Variants in KAZN observed in about 807,000 individuals in gnomAD.
The protein encoded by KAZN is kazrin.
Under a neutral mutation model 87.4 loss-of-function variants are expected in KAZN, and 40 were observed. The observed-to-expected ratio is 0.46, with a 90% CI of 0.36 to 0.60. KAZN has a LOEUF of 0.60. Ranked by LOEUF, KAZN falls within the 20% of genes least tolerant of loss-of-function variation. KAZN has a pLI of 0.00. For synonymous variants in KAZN, 466 were observed against 458.3 expected (o/e 1.02, Z -0.22); for missense variants, 898 against 1,073.9 (o/e 0.84, Z 2.29).
chr1:14,683,365 T>G (rs1640781661), intron 1 of KAZN, among the ~76,000 whole-genome samples: 1 of 152,210 alleles, frequency 6.6e-6, no homozygotes, highest in Non-Finnish European at 1.5e-5. Context: ...GGGACGTGAC[T>G]GCAGAGATGA....
chr1:14,544,354 T>C (rs973461819), intron 2 of KAZN, among the ~76,000 whole-genome samples: 41 of 133,300 alleles, frequency 3.1e-4, no homozygotes, highest in East Asian at 1.4e-3. Context: ...TTCTTTCTTT[T>C]TTTTTTTTTT....
At chr1:14,450,897 G>T (rs78400188) in intron 2 of KAZN, among the ~76,000 whole-genome samples, 8,417 of 151,956 alleles carry the variant, frequency 0.055, 460 homozygotes, top group East Asian at 0.17. Flanking sequence ...GGTCGTCCTA[G>T]GTTTCTGATG....
intron 2 of KAZN, among the ~76,000 whole-genome samples, chr1:14,592,192 T>C (rs1313823125): frequency 2.6e-5 from 4 of 151,958 alleles, no homozygotes; most frequent in Non-Finnish European, 5.9e-5. Context: ...GATTCACATG[T>C]GACAATTTGA....
chr1:14,784,715 T>C (rs1422057026), intron 1 of KAZN, among the ~76,000 whole-genome samples: 1 of 152,190 alleles, frequency 6.6e-6, no homozygotes, highest in Non-Finnish European at 1.5e-5. Flanking sequence ...GCCAACACCA[T>C]GCCACTGCAC....
chr1:15,018,297 A>G (rs1670326812), intron 2 of KAZN, among the ~76,000 whole-genome samples: 1 of 152,152 alleles, frequency 6.6e-6, no homozygotes, highest in Admixed American at 6.5e-5. Flanking sequence ...GGCGGTCTAA[A>G]TATTTTATAG....
intron 1 of KAZN, among the ~76,000 whole-genome samples, chr1:13,940,119 C>G (rs1332996875): frequency 6.6e-6 from 1 of 152,106 alleles, no homozygotes; most frequent in Non-Finnish European, 1.5e-5. Context: ...CCTTACATGG[C>G]TTTGGTATTA....
chr1:14,347,630 T>C (rs1458728032), intron 2 of KAZN, among the ~76,000 whole-genome samples: 2 of 152,214 alleles, frequency 1.3e-5, no homozygotes, highest in Admixed American at 1.3e-4. Flanking sequence ...CAAAAGAGTG[T>C]GTATACAATG....
At chr1:13,901,286 C>T (rs80203788) in intron 1 of KAZN, among the ~76,000 whole-genome samples, 7,244 of 152,168 alleles carry the variant, frequency 0.048, 377 homozygotes, top group East Asian at 0.16. Context: ...TTAAATCATA[C>T]GGTCACCCTT....
At chr1:13,978,374 A>G (rs1638481095) in intron 1 of KAZN, among the ~76,000 whole-genome samples, 1 of 151,870 alleles carries the variant, frequency 6.6e-6, no homozygotes, top group Non-Finnish European at 1.5e-5. Flanking sequence ...TAGTGATCCC[A>G]ATATTGAAAT....
chr1:14,671,946 T>G (rs1639942678), intron 1 of KAZN, among the ~76,000 whole-genome samples: 1 of 152,238 alleles, frequency 6.6e-6, no homozygotes. Flanking sequence ...GGCACCTTTG[T>G]GCTACTCTCT....
chr1:14,702,907 C>G (rs1168372590), intron 1 of KAZN, among the ~76,000 whole-genome samples: 1 of 152,176 alleles, frequency 6.6e-6, no homozygotes, highest in Non-Finnish European at 1.5e-5. Context: ...CCCACTATCC[C>G]CCTCCATTAA....
rs542659976 is a variant in KAZN, at chr1:15,000,779, G to A, written c.419-33970G>A. The stretch of plus-strand genomic sequence containing the variant: ...GGTGTGCCTGGCACAGTGCTTGTAC[G>A]TTTGGATCAACATTAGGCAACCTGG... On this transcript the variant is annotated intron_variant, in intron 2 of 14. Coordinates refer to ENST00000376030, the MANE Select transcript of KAZN (RefSeq NM_201628.3). Among the ~76,000 whole-genome samples, 60 of 152,058 alleles carry A rather than the reference G, an allele frequency of 3.9e-4. 1 individual carries two copies. The highest frequency in any genetic ancestry group is 8.3e-4 in the South Asian group (4 of 4,830).
At chr1:14,208,419 C>T (rs980184865) in intron 2 of KAZN, among the ~76,000 whole-genome samples, 3 of 152,144 alleles carry the variant, frequency 2.0e-5, no homozygotes, top group African/African-American at 4.8e-5. Flanking sequence ...TTCATTCACT[C>T]GTTGACTCGT....
chr1:14,090,243 T>C (rs1171286574), intron 1 of KAZN, among the ~76,000 whole-genome samples: 1 of 152,136 alleles, frequency 6.6e-6, no homozygotes, highest in Non-Finnish European at 1.5e-5. Flanking sequence ...GGGACTCCAA[T>C]TGCATGTATG....
chr1:14,951,089 A>C (rs906831209), intron 1 of KAZN, among the ~76,000 whole-genome samples: 1 of 152,224 alleles, frequency 6.6e-6, no homozygotes, highest in Non-Finnish European at 1.5e-5. Flanking sequence ...AGTCAATCTC[A>C]ACACATGTGA....
chr1:13,998,049 C>A (rs1639610056), intron 1 of KAZN, among the ~76,000 whole-genome samples: 1 of 152,174 alleles, frequency 6.6e-6, no homozygotes, highest in Admixed American at 6.5e-5. Context: ...CTCTGCAAGT[C>A]AGAAGAGATT....
intron 2 of KAZN, among the ~76,000 whole-genome samples, chr1:14,454,561 G>A (rs980387014): frequency 6.6e-6 from 1 of 152,190 alleles, no homozygotes; most frequent in Admixed American, 6.5e-5. Context: ...GGATGCATTT[G>A]TTCATCTCTG....
At chr1:14,936,080 C>T (rs553807796) in intron 1 of KAZN, among the ~76,000 whole-genome samples, 96 of 152,372 alleles carry the variant, frequency 6.3e-4, no homozygotes, top group Non-Finnish European at 1.2e-3. Flanking sequence ...TTTTCCATGT[C>T]ATGTCTCTCC....
At chr1:14,889,366 A>G (rs1654458499) in intron 1 of KAZN, among the ~76,000 whole-genome samples, 1 of 152,244 alleles carries the variant, frequency 6.6e-6, no homozygotes, top group African/African-American at 2.4e-5. Flanking sequence ...TAATATAGTC[A>G]CCTAATGGAA....
Sources: allele counts gnomAD v4.1 joint callset (sites outside exome capture counted in the v4.1 genomes callset), GRCh38; gene constraint gnomAD v4.1.1; transcripts MANE v1.5; gene names NCBI Gene and HGNC (gene_info 2026-07-23, HGNC 2026-07-21).